The following PPM1L variants were observed in gnomAD, a reference collection of about 807,000 sequenced individuals.
PPM1L encodes the protein protein phosphatase, Mg2+/Mn2+ dependent 1L, also known as protein phosphatase 1L.
PPM1L carries 13 observed loss-of-function variants against 31.4 expected under a neutral mutation model. That is an observed-to-expected ratio of 0.41 (90% CI 0.27 to 0.66). PPM1L has a LOEUF of 0.66. Ranked by LOEUF, PPM1L falls within the 30% of genes least tolerant of loss-of-function variation. The pLI is 0.29. For synonymous variants in PPM1L, 184 were observed against 175.4 expected (o/e 1.05, Z -0.39); for missense variants, 326 against 453.7 (o/e 0.72, Z 2.56).
intron 1 of PPM1L, among the ~76,000 whole-genome samples, chr3:160,958,795 C>G (rs1216343408): frequency 6.6e-6 from 1 of 152,136 alleles, no homozygotes; most frequent in African/African-American, 2.4e-5. Context: ...TTTGGCTACT[C>G]TAGGGGATAA....
chr3:161,008,393 C>T (rs1402055024), intron 2 of PPM1L, among the ~76,000 whole-genome samples: 4 of 152,218 alleles, frequency 2.6e-5, no homozygotes, highest in African/African-American at 9.7e-5. Context: ...CATTTCTTCA[C>T]AGCTGTTTAT....
chr3:160,889,670 A>G (rs1713061419), intron 1 of PPM1L, among the ~76,000 whole-genome samples: 1 of 152,230 alleles, frequency 6.6e-6, no homozygotes, highest in Non-Finnish European at 1.5e-5. Context: ...CATCATCCTG[A>G]TACCAAAACT....
At chr3:160,922,410 C>T (rs1714446067) in intron 1 of PPM1L, among the ~76,000 whole-genome samples, 2 of 152,276 alleles carry the variant, frequency 1.3e-5, no homozygotes, top group South Asian at 4.2e-4. Context: ...GATTTCAAAA[C>T]AGGCATTGAG....
intron 1 of PPM1L, among the ~76,000 whole-genome samples, chr3:160,770,991 C>T (rs958733856): frequency 6.6e-6 from 1 of 151,940 alleles, no homozygotes; most frequent in Non-Finnish European, 1.5e-5. Flanking sequence ...CTCAAATTGC[C>T]CATAAAGAGC....
chr3:161,045,949 A>C (rs1302618178), intron 2 of PPM1L, among the ~76,000 whole-genome samples: 2 of 151,102 alleles, frequency 1.3e-5, no homozygotes, highest in Non-Finnish European at 3.0e-5. Context: ...TTCTCTATTA[A>C]AAATACAAAA....
chr3:160,982,095 C>A (rs1716819428), intron 2 of PPM1L, among the ~76,000 whole-genome samples: 1 of 152,142 alleles, frequency 6.6e-6, no homozygotes, highest in Non-Finnish European at 1.5e-5. Context: ...CTACCTGCAT[C>A]TCATTTCTTG....
intron 1 of PPM1L, among the ~76,000 whole-genome samples, chr3:160,910,710 G>A (rs1713943767): frequency 6.6e-6 from 1 of 151,956 alleles, no homozygotes; most frequent in Non-Finnish European, 1.5e-5. Context: ...ATTTATTTTT[G>A]TGTATATGTC....
At chr3:160,993,010 G>A (rs10513560) in intron 2 of PPM1L, among the ~76,000 whole-genome samples, 71,604 of 151,756 alleles carry the variant, frequency 0.47, 18,192 homozygotes, top group East Asian at 0.7. Context: ...ACACTAGGCC[G>A]TTGAATCCCT....
chr3:160,900,932 A>T (rs944121480), intron 1 of PPM1L, among the ~76,000 whole-genome samples: 1 of 152,220 alleles, frequency 6.6e-6, no homozygotes, highest in Admixed American at 6.5e-5. Context: ...CTCAGTAGCA[A>T]CTGGCAAATG....
intron 2 of PPM1L, among the ~76,000 whole-genome samples, chr3:161,034,447 G>A (rs916421483): frequency 1.3e-5 from 2 of 152,076 alleles, no homozygotes; most frequent in Non-Finnish European, 1.5e-5. Context: ...CAACCCAAAT[G>A]GCCATCAATG....
intron 2 of PPM1L, among the ~76,000 whole-genome samples, chr3:161,060,230 TG>T (rs1719528910): frequency 6.8e-6 from 1 of 147,832 alleles, no homozygotes; most frequent in African/African-American, 2.4e-5. Flanking sequence ...CATCTTCATA[TG>T]GGTCAGTCAA....
intron 2 of PPM1L, among the ~76,000 whole-genome samples, chr3:161,039,082 C>A (rs1718834397): frequency 6.6e-6 from 1 of 152,184 alleles, no homozygotes; most frequent in African/African-American, 2.4e-5. Context: ...CATGAATAAT[C>A]CACCCCTTAT....
intron 1 of PPM1L, among the ~76,000 whole-genome samples, chr3:160,776,879 G>A (rs1029463940): frequency 7.9e-5 from 12 of 151,886 alleles, no homozygotes; most frequent in African/African-American, 2.2e-4. Context: ...GATTACAGGC[G>A]TGAGCCACCA....
chr3:160,788,431 T>C (rs1711998322), intron 1 of PPM1L, among the ~76,000 whole-genome samples: 1 of 152,082 alleles, frequency 6.6e-6, no homozygotes, highest in South Asian at 2.1e-4. Context: ...TTGCCCATTT[T>C]CCTATTGCAT....
At chr3:160,897,069 A>AGTCTTGC (rs1713359926) in intron 1 of PPM1L, among the ~76,000 whole-genome samples, 1 of 113,788 alleles carries the variant, frequency 8.8e-6, no homozygotes, top group Admixed American at 1.1e-4. Context: ...TTTGAGATGG[A>AGTCTTGC]GTCTTGCTCT....
At chr3:161,037,678 T>C (rs1012550007) in intron 2 of PPM1L, among the ~76,000 whole-genome samples, 2 of 148,888 alleles carry the variant, frequency 1.3e-5, no homozygotes, top group Non-Finnish European at 3.0e-5. Context: ...GTGATCTGCC[T>C]GCCTCAGCCT....
chr3:160,989,652 A>T (rs1162659780), intron 2 of PPM1L, among the ~76,000 whole-genome samples: 1 of 151,984 alleles, frequency 6.6e-6, no homozygotes, highest in East Asian at 1.9e-4. Context: ...GTGAGCCACC[A>T]CGCCCAGCCT....
chr3:160,876,824 A>G (rs1712530318), intron 1 of PPM1L, among the ~76,000 whole-genome samples: 1 of 152,214 alleles, frequency 6.6e-6, no homozygotes, highest in South Asian at 2.1e-4. Context: ...GAAGGGAATG[A>G]AAAAAGGCTT....
chr3:160,850,131 G>T (rs149352963), intron 1 of PPM1L, among the ~76,000 whole-genome samples: 2 of 152,298 alleles, frequency 1.3e-5, no homozygotes, highest in East Asian at 3.9e-4. Flanking sequence ...GTTCCCATGA[G>T]TGTGTCCTTA....
Sources: gnomAD v4.1 joint callset for allele counts (sites outside exome capture counted in the v4.1 genomes callset) on GRCh38, gnomAD v4.1.1 for gene constraint, MANE v1.5 for transcripts, NCBI Gene and HGNC (gene_info 2026-07-23, HGNC 2026-07-21) for gene names.